Variants in AHNAK observed in about 807,000 individuals in gnomAD.
AHNAK encodes neuroblast differentiation-associated protein AHNAK.
A neutral mutation model predicts 37.8 loss-of-function variants in AHNAK; 23 were observed. The ratio of observed to expected loss-of-function variants is 0.61; its 90% confidence interval spans 0.44 to 0.86. The LOEUF (loss-of-function observed/expected upper bound fraction) is 0.86. Ranked by LOEUF, AHNAK falls within the 40% of genes least tolerant of loss-of-function variation. The probability of loss-of-function intolerance (pLI) is 0.00; values close to 1 mark genes in which losing one functional copy is unlikely to be tolerated. For missense variants in AHNAK, 7,411 were observed against 7,319.4 expected (o/e 1.01, Z -0.46); for synonymous variants, 2,481 against 2,636.3 (o/e 0.94, Z 1.80).
At position 62,496,080 on chromosome 11, in the gene AHNAK, C is replaced by T. The variant is rs4963300; in HGVS notation, c.343-4249G>A. Among the ~76,000 whole-genome samples the T allele has an allele frequency of 1.8e-4, 27 of 151,080 alleles. 1 individual carries two copies. The highest frequency in any genetic ancestry group is 5.9e-4 in the Admixed American group (9 of 15,162). ...AAAAAAAGAAGAAAGAAAGAAATAACGTTAATATTACTAAAAGCAAGCAAA... is the reference window on the plus strand; with the variant it reads ...AAAAAAAGAAGAAAGAAAGAAATAATGTTAATATTACTAAAAGCAAGCAAA... On this transcript the variant is annotated intron_variant, in intron 4 of 5. Coordinates refer to the AHNAK transcript ENST00000257247.
rs1231433757 is a variant in AHNAK at position 62,523,720 on chromosome 11, G to A, written c.10697C>T (p.Pro3566Leu). ...CCCTTTCAGATCCCCTTCAAGTTTG[G>A]GAAGAGAAATATCCACATCACCTTT... is the stretch of plus-strand genomic sequence containing the variant. ...KVKGDVDISL[P>L]KLEGDLKGPE... The change falls in exon 5 of 5, where the codon CCC (proline) becomes CTC (leucine). Residue 3566 changes from proline to leucine, a missense_variant. By Grantham distance (98) the Pro-to-Leu change is moderately conservative. Transcript: ENST00000378024. 3 of 1,613,126 alleles carry A rather than the reference G, an allele frequency of 1.9e-6. No individual in the cohort carries two copies. The highest frequency in any genetic ancestry group is 2.7e-5 in the African/African-American group (2 of 74,532).
At chr11:62,507,561 C>T (rs774161601) in intron 4 of AHNAK, among the ~76,000 whole-genome samples, 6 of 152,076 alleles carry the variant, frequency 3.9e-5, no homozygotes, top group Non-Finnish European at 7.4e-5. Context: ...GAGGCCAAGG[C>T]GGGCAGATCA....
chr11:62,497,854 C>T lies in AHNAK; in HGVS notation c.343-6023G>A, dbSNP rs140788133. 1.4e-3 allele frequency among the ~76,000 whole-genome samples: 214 copies of T among 152,098 alleles called. 8 individuals carry two copies. In the East Asian group the frequency reaches 0.038, roughly 27 times the overall value. Reference sequence around the variant, plus strand: ...TGGCACGCCCCTGTAATCCCAGCTACTCAGGAGGCTGAGGCAGGAGAATCG... The same window carrying T: ...TGGCACGCCCCTGTAATCCCAGCTATTCAGGAGGCTGAGGCAGGAGAATCG... On this transcript the variant is annotated intron_variant, in intron 4 of 5. Transcript: ENST00000257247.
chr11:62,474,577 C>T (rs778598303), intron 5 of AHNAK, among the ~76,000 whole-genome samples: 8 of 151,998 alleles, frequency 5.3e-5, no homozygotes, highest in Non-Finnish European at 7.3e-5. Context: ...TGCGTAAGCT[C>T]GGCCAAGTTG....
At position 62,529,806 on chromosome 11, in the gene AHNAK, A is replaced by G; in HGVS notation, c.4611T>C (p.Ala1537=). 1.2e-6 allele frequency: 2 copies of G among 1,614,136 alleles called. No homozygotes were observed. Among genetic ancestry groups the G allele is most frequent in the Non-Finnish European group, 1.7e-6 (2 of 1,180,024 alleles). The change falls in exon 5 of 5, where the codon GCT becomes GCC. Residue 1537 remains alanine (A), a synonymous_variant. Transcript: ENST00000378024. ...GPEVDMNLPK[A]DLGVSGPKVD... ...CCTTGGGTCCTGAAACACCAAGGTC[A>G]GCCTTGGGCAGGTTCATATCCACCT...
chr11:62,523,622 G>A lies in AHNAK; in HGVS notation c.10795C>T (p.His3599Tyr), dbSNP rs1423468770. The change falls in exon 5 of 5, where the codon CAT (histidine) becomes TAT (tyrosine). Residue 3599 changes from histidine to tyrosine, a missense_variant. His to Tyr is a moderately conservative substitution (Grantham distance 83). Transcript: ENST00000378024. ...PDVDVHGPDWHLKMPKVKMPK... is the reference protein window; with the variant it reads ...PDVDVHGPDWYLKMPKVKMPK... The stretch of plus-strand genomic sequence containing the variant: ...ATTTTCACTTTGGGCATCTTCAGAT[G>A]CCAGTCTGGACCATGAACATCCACA... The A allele has an allele frequency of 1.9e-6, 3 of 1,613,914 alleles. No individual in the cohort carries two copies. Among genetic ancestry groups the A allele is most frequent in the Non-Finnish European group, 2.5e-6 (3 of 1,179,996 alleles).
chr11:62,493,461 G>T (rs1186680835), intron 4 of AHNAK, among the ~76,000 whole-genome samples: 1 of 151,668 alleles, frequency 6.6e-6, no homozygotes, highest in African/African-American at 2.4e-5. Flanking sequence ...AAGTAGCTGG[G>T]ATTATAGGCA....
chr11:62,463,443 G>A (rs1468039754), intron 5 of AHNAK, among the ~76,000 whole-genome samples: 1 of 139,138 alleles, frequency 7.2e-6, no homozygotes, highest in South Asian at 2.7e-4. Context: ...TGACTGCTCC[G>A]CTCCTCTCCT....
intron 5 of AHNAK, among the ~76,000 whole-genome samples, chr11:62,475,993 T>C (rs566487729): frequency 6.6e-6 from 1 of 152,312 alleles, no homozygotes; most frequent in East Asian, 1.9e-4. Context: ...TTTTAGACTA[T>C]GGAAATTATG....
intron 5 of AHNAK, among the ~76,000 whole-genome samples, chr11:62,490,609 A>G (rs1939489169): frequency 1.3e-5 from 2 of 152,030 alleles, no homozygotes; most frequent in South Asian, 4.2e-4. Context: ...GAGAGGAGAA[A>G]ATGGGGCTCA....
chr11:62,519,297 C>T lies in AHNAK; in HGVS notation c.15120G>A (p.Gln5040=). The T allele has an allele frequency of 6.2e-7, 1 of 1,614,158 alleles. No homozygotes were observed. The highest frequency in any genetic ancestry group is 8.5e-7 in the Non-Finnish European group (1 of 1,180,028). The part of the protein sequence containing the change: ...MSGPKIKAKK[Q]GFDLNVPGGE... ...CCCCAGGAACATTCAGGTCAAATCC[C>T]TGTTTTTTGGCCTTAATCTTAGGAC... Residue 5040 remains glutamine (Q), a synonymous_variant, in exon 5 of 5, where the codon CAG becomes CAA. Transcript: ENST00000378024.
chr11:62,542,846 G>A (rs938504210), intron 1 of AHNAK, among the ~76,000 whole-genome samples: 1 of 152,206 alleles, frequency 6.6e-6, no homozygotes, highest in African/African-American at 2.4e-5. Context: ...CAGAACGCTT[G>A]GTCTTGCCCT....
intron 5 of AHNAK, among the ~76,000 whole-genome samples, chr11:62,439,089 A>ATTTTT (rs11374757): frequency 0.12 from 10,714 of 92,734 alleles, 996 homozygotes; most frequent in Non-Finnish European, 0.16. Flanking sequence ...CAGTTTCCCT[A>ATTTTT]TTTTTTTTTT....
chr11:62,485,462 G>A (rs1408759332), intron 5 of AHNAK, among the ~76,000 whole-genome samples: 1 of 151,984 alleles, frequency 6.6e-6, no homozygotes, highest in Non-Finnish European at 1.5e-5. Context: ...CAGCACTTTG[G>A]GAGTCCGAGG....
At chr11:62,461,407 G>A (rs1008688617) in intron 5 of AHNAK, among the ~76,000 whole-genome samples, 8 of 152,056 alleles carry the variant, frequency 5.3e-5, no homozygotes, top group Non-Finnish European at 1.2e-4. Context: ...GCCTCCCAAA[G>A]TGCTGGGATT....
At chr11:62,534,247 C>T (rs952062273) in intron 4 of AHNAK, among the ~76,000 whole-genome samples, 173 bp from the exon 5 acceptor site, 4 of 152,298 alleles carry the variant, frequency 2.6e-5, no homozygotes, top group African/African-American at 9.6e-5. Flanking sequence ...AAGGGGCTGA[C>T]AGCCACATCA....
At position 62,520,439 on chromosome 11, in the gene AHNAK, A is replaced by C; in HGVS notation, c.13978T>G (p.Phe4660Val). Reference sequence around the variant, plus strand: ...TCTCCTTTGAAGCCAGGCATGCTGAACTTGGGCATTTTCACTTTGGGCATT... The same window carrying C: ...TCTCCTTTGAAGCCAGGCATGCTGACCTTGGGCATTTTCACTTTGGGCATT... The part of the protein sequence containing the change: ...LKMPKVKMPK[F>V]SMPGFKGEGP... Residue 4660 changes from phenylalanine to valine, a missense_variant, in exon 5 of 5, where the codon TTC becomes GTC. Coordinates refer to ENST00000378024, the MANE Select transcript of AHNAK (RefSeq NM_001620.3). 6.8e-6 allele frequency: 11 copies of C among 1,613,570 alleles called. No individual in the cohort carries two copies. Among genetic ancestry groups the C allele is most frequent in the Non-Finnish European group, 9.3e-6 (11 of 1,179,930 alleles).
In AHNAK at chr11:62,519,282, A is replaced by G; in HGVS notation, c.15135T>C (p.Asn5045=). 1 of 1,614,150 alleles carries G rather than the reference A, an allele frequency of 6.2e-7. No homozygotes were observed. Among genetic ancestry groups the G allele is most frequent in the Non-Finnish European group, 8.5e-7 (1 of 1,180,032 alleles). ...IKAKKQGFDL[N]VPGGEIDASL... Reference sequence around the variant, plus strand: ...TGGCATCAATTTCACCCCCAGGAACATTCAGGTCAAATCCCTGTTTTTTGG... The same window carrying G: ...TGGCATCAATTTCACCCCCAGGAACGTTCAGGTCAAATCCCTGTTTTTTGG... Residue 5045 remains asparagine, a synonymous_variant, in exon 5 of 5, where the codon AAT becomes AAC. Coordinates refer to ENST00000378024, the MANE Select transcript of AHNAK (RefSeq NM_001620.3).
Position 62,517,988 on chromosome 11 carries a change from C to T in AHNAK, c.16429G>A (p.Gly5477Arg), listed in dbSNP as rs755471989. ...ATGEIKGPTVGGGLPGIGVQG... is the reference protein window; with the variant it reads ...ATGEIKGPTVRGGLPGIGVQG... Reference sequence around the variant, plus strand: ...ACACCAATGCCTGGAAGACCTCCTCCGACAGTGGGGCCTTTGATCTCACCA... The same window carrying T: ...ACACCAATGCCTGGAAGACCTCCTCTGACAGTGGGGCCTTTGATCTCACCA... Residue 5477 changes from glycine to arginine, a missense_variant, in exon 5 of 5, where the codon GGA (glycine) becomes AGA (arginine). Physicochemically the swap from Gly to Arg is moderately radical, Grantham distance 125 (BLOSUM62 -2). Coordinates refer to ENST00000378024, the MANE Select transcript of AHNAK (RefSeq NM_001620.3). The T allele has an allele frequency of 1.4e-5, 23 of 1,614,046 alleles. No homozygotes were observed. Among genetic ancestry groups the T allele is most frequent in the Middle Eastern group, 1.6e-4 (1 of 6,084 alleles).
Sources: allele counts gnomAD v4.1 joint callset (sites outside exome capture counted in the v4.1 genomes callset), GRCh38; gene constraint gnomAD v4.1.1; transcripts MANE v1.5; gene names NCBI Gene and HGNC (gene_info 2026-07-23, HGNC 2026-07-21).